Variants in SFTPC observed in about 807,000 individuals in gnomAD.
SFTPC encodes BRICHOS domain containing 6.
SFTPC carries 12 observed loss-of-function variants against 19.9 expected under a neutral mutation model. The observed-to-expected ratio is 0.60, with a 90% confidence interval of 0.39 to 0.98. The LOEUF is 0.98. Among genes scored for constraint, SFTPC ranks in the 50% least tolerant of loss-of-function variants. The pLI is 0.00. For missense variants in SFTPC, 219 were observed against 252.2 expected (o/e 0.87, Z 0.89); for synonymous variants, 123 against 103.3 (o/e 1.19, Z -1.16).
Position 22,162,229 on chromosome 8 carries a change from G to A in SFTPC, c.43-345G>A, listed in dbSNP as rs8192324. Reference sequence around the variant, plus strand: ...GGTGGAGAAGGAGGAAGGCATTCCAGGAAGGAGGGAGACTCTGTATCACCG... The same window carrying A: ...GGTGGAGAAGGAGGAAGGCATTCCAAGAAGGAGGGAGACTCTGTATCACCG... On this transcript the variant is annotated intron_variant, in intron 1 of 5. Transcript: ENST00000679463. Among the ~76,000 whole-genome samples, 743 of 152,292 alleles carry A rather than the reference G, an allele frequency of 4.9e-3. 5 individuals are homozygous for A. Among genetic ancestry groups the A allele is most frequent in the African/African-American group, 0.016 (659 of 41,540 alleles).
upstream of SFTPC, chr8:22,159,709 C>T (rs960294482): frequency 4.1e-5 from 46 of 1,133,950 alleles, no homozygotes; most frequent in Middle Eastern, 4.5e-4. Flanking sequence ...CCAGCGATGG[C>T]GGCAAACCCC....
At chr8:22,161,347 T>C (rs1827709468), upstream of SFTPC, among the ~76,000 whole-genome samples, 1 of 152,078 alleles carries the variant, frequency 6.6e-6, no homozygotes, top group African/African-American at 2.4e-5. Flanking sequence ...CCTCTCAGAG[T>C]CTACAGGTGC....
At chr8:22,159,723 C>A, upstream of SFTPC, 2 of 1,234,202 alleles carry the variant, frequency 1.6e-6, no homozygotes, top group Non-Finnish European at 2.1e-6. Context: ...AAACCCCACC[C>A]ACAGTGCCTG....
chr8:22,162,506 T>G, intron 1 of SFTPC, 68 bp from the exon 2 acceptor site: 2 of 1,567,212 alleles, frequency 1.3e-6, no homozygotes, highest in East Asian at 2.2e-5. Flanking sequence ...GTGTTCAGCT[T>G]GTATAGGGAG....
At position 22,162,619 on chromosome 8, in the gene SFTPC, C is replaced by A; in HGVS notation, c.88C>A (p.Pro30Thr). ...PRGRFGIPCCPVHLKRLLIVV... is the reference protein window; with the variant it reads ...PRGRFGIPCCTVHLKRLLIVV... ...GGGCCGATTTGGCATTCCCTGCTGC[C>A]CAGTGCACCTGAAACGCCTTCTTAT... is the stretch of plus-strand genomic sequence containing the variant. Residue 30 changes from proline to threonine, a missense_variant, in exon 2 of 6, where the codon CCA becomes ACA. By Grantham distance (38) the Pro-to-Thr change is conservative. Coordinates refer to ENST00000679463, the MANE Select transcript of SFTPC (RefSeq NM_001317778.2). 6.2e-7 allele frequency: 1 copy of A among 1,614,116 alleles called. No homozygotes were observed.
upstream of SFTPC, among the ~76,000 whole-genome samples, chr8:22,158,382 C>A (rs1373302949): frequency 6.6e-6 from 1 of 152,186 alleles, no homozygotes; most frequent in Non-Finnish European, 1.5e-5. Context: ...CTGTCCCCAC[C>A]CGTCCCTGGC....
upstream of SFTPC, among the ~76,000 whole-genome samples, chr8:22,160,125 G>A (rs1328107396): frequency 1.3e-5 from 2 of 152,242 alleles, no homozygotes; most frequent in Non-Finnish European, 2.9e-5. Flanking sequence ...GGTGGTGGGA[G>A]CAAACACTTC....
upstream of SFTPC, among the ~76,000 whole-genome samples, chr8:22,161,244 A>G (rs1827704998): frequency 6.6e-6 from 1 of 152,174 alleles, no homozygotes; most frequent in Non-Finnish European, 1.5e-5. Context: ...TAAGGGAAAG[A>G]GTACTTGAAG....
At position 22,162,737 on chromosome 8, in the gene SFTPC, G is replaced by C. The variant is rs1207434995; in HGVS notation, c.201+5G>C. ...AGCCAGAAACACACGGAGATGGTGA[G>C]AGGTGTGGGATGCACAGCAGTGGGC... On this transcript the variant is annotated splice_donor_5th_base_variant and intron_variant, in intron 2 of 5. Transcript: ENST00000679463. 6.2e-7 allele frequency: 1 copy of C among 1,614,146 alleles called. No individual in the cohort carries two copies. The highest frequency in any genetic ancestry group is 1.7e-5 in the Admixed American group (1 of 60,038).
chr8:22,164,427 G>A lies in SFTPC; in HGVS notation c.*180G>A. 1 of 1,493,784 alleles carries A rather than the reference G, an allele frequency of 6.7e-7. No homozygotes were observed. The highest frequency in any genetic ancestry group is 8.9e-7 in the Non-Finnish European group (1 of 1,128,984). The allele number at this position is 1,493,784 out of a possible 1,614,324, so 92.5% of individuals were successfully genotyped here. A position where few individuals can be genotyped will look rare whatever the true frequency, so the allele number is the denominator to read the frequency against. On this transcript the variant is annotated 3_prime_UTR_variant, in exon 6 of 6. Coordinates refer to ENST00000679463, the MANE Select transcript of SFTPC (RefSeq NM_001317778.2). ...GGGAGTGGGCAGAGGTGGCGCCCAG[G>A]GGCCCGGGAACTCCTGCCACAACAG...
intron 4 of SFTPC, 37 bp from the exon 5 acceptor site, chr8:22,163,864 C>T (rs761040696): frequency 6.3e-7 from 1 of 1,576,266 alleles, no homozygotes; most frequent in African/African-American, 1.3e-5. Flanking sequence ...GGGATAGAAA[C>T]TCACTTCCTA....
upstream of SFTPC, chr8:22,159,703 C>A (rs540938171): frequency 1.9e-6 from 2 of 1,050,736 alleles, no homozygotes; most frequent in Non-Finnish European, 2.6e-6. Context: ...CAGCACCCAG[C>A]GATGGCGGCA....
upstream of SFTPC, chr8:22,159,008 T>C (rs1339967233): frequency 6.6e-6 from 1 of 152,244 alleles, no homozygotes; most frequent in Non-Finnish European, 1.5e-5. Context: ...GTGTGCTGAA[T>C]GGCAGGTGAA....
chr8:22,161,369 C>A (rs1014097826), upstream of SFTPC, among the ~76,000 whole-genome samples: 3 of 152,216 alleles, frequency 2.0e-5, no homozygotes, highest in Admixed American at 6.5e-5. Context: ...GCCTCCAGAA[C>A]CCTCTTCCTG....
chr8:22,158,434 C>T (rs1159317716), upstream of SFTPC, among the ~76,000 whole-genome samples: 1 of 152,124 alleles, frequency 6.6e-6, no homozygotes, highest in African/African-American at 2.4e-5. Flanking sequence ...GAATCTTGTC[C>T]CCACCCCTGC....
intron 3 of SFTPC, 71 bp downstream of exon 3, chr8:22,163,273 C>T: frequency 2.5e-6 from 4 of 1,602,424 alleles, no homozygotes; most frequent in Non-Finnish European, 3.4e-6. Flanking sequence ...AGCTGGGCCA[C>T]TTCATCCACA....
At chr8:22,162,988 C>T (rs900313948) in intron 2 of SFTPC, 92 bp from the exon 3 acceptor site, 25 of 1,557,708 alleles carry the variant, frequency 1.6e-5, no homozygotes, top group East Asian at 1.3e-4. Flanking sequence ...AAGAGGGAAG[C>T]GCATTTGAGT....
At chr8:22,161,772 T>A (rs763225526), upstream of SFTPC, 1 of 1,613,728 alleles carries the variant, frequency 6.2e-7, no homozygotes, top group Non-Finnish European at 8.5e-7. Flanking sequence ...CGGACACATA[T>A]AAGACCCTGG....
chr8:22,164,232 C>A, intron 5 of SFTPC, 34 bp from the exon 6 acceptor site: 1 of 1,535,968 alleles, frequency 6.5e-7, no homozygotes, highest in South Asian at 1.2e-5. Flanking sequence ...CCCTGATTCT[C>A]TCTGTCCATC....
Sources: allele counts gnomAD v4.1 joint callset (sites outside exome capture counted in the v4.1 genomes callset), GRCh38; gene constraint gnomAD v4.1.1; transcripts MANE v1.5; gene names NCBI Gene and HGNC (gene_info 2026-07-23, HGNC 2026-07-21).